Variants in OCA2 observed in about 807,000 individuals in gnomAD.
OCA2 encodes P protein.
OCA2 carries 77 observed loss-of-function variants against 100.2 expected under a neutral mutation model. The ratio of observed to expected loss-of-function variants is 0.77; its 90% CI spans 0.64 to 0.93. OCA2 has a LOEUF of 0.93. OCA2 is among the 40% of genes least tolerant of loss of function. The pLI is 0.00. For synonymous variants in OCA2, 432 were observed against 439.2 expected (o/e 0.98, Z 0.21); for missense variants, 1,062 against 1,089.1 (o/e 0.98, Z 0.35).
rs892435381 is a variant in OCA2 at position 27,985,864 on chromosome 15, T to C, written c.1240-676A>G. Among the ~76,000 whole-genome samples the C allele has an allele frequency of 1.2e-4, 18 of 152,102 alleles. 1 individual carries two copies. Among genetic ancestry groups the C allele is most frequent in the South Asian group, 4.1e-4 (2 of 4,832 alleles). ...TGTGCTACCACGCCCAGCTAATTTT[T>C]GTATTTTTAGTAGAGATGAGGTTTC... On this transcript the variant is annotated intron_variant, in intron 12 of 23. Coordinates refer to ENST00000354638, the MANE Select transcript of OCA2 (RefSeq NM_000275.3).
chr15:27,801,757 A>G (rs1429146640), intron 23 of OCA2, among the ~76,000 whole-genome samples: 1 of 152,116 alleles, frequency 6.6e-6, no homozygotes, highest in East Asian at 1.9e-4. Context: ...AAGTCTCTGC[A>G]TACCAGGAAT....
intron 19 of OCA2, among the ~76,000 whole-genome samples, chr15:27,895,481 C>T (rs1273855550): frequency 2.6e-5 from 4 of 152,128 alleles, no homozygotes; most frequent in African/African-American, 9.7e-5. Flanking sequence ...ACAATAAAGT[C>T]CAGGCTGAGG....
chr15:27,950,786 A>C (rs2040000419), intron 18 of OCA2, among the ~76,000 whole-genome samples: 1 of 152,212 alleles, frequency 6.6e-6, no homozygotes, highest in African/African-American at 2.4e-5. Context: ...CGAATCGCTG[A>C]AGCTTGAGGC....
intron 2 of OCA2, among the ~76,000 whole-genome samples, chr15:28,052,702 T>C (rs2043554170): frequency 1.3e-5 from 2 of 152,218 alleles, no homozygotes. Flanking sequence ...TATTTCTGCA[T>C]TTTCACAGAG....
intron 19 of OCA2, among the ~76,000 whole-genome samples, chr15:27,884,699 G>A (rs1471574956): frequency 6.6e-6 from 1 of 152,216 alleles, no homozygotes; most frequent in African/African-American, 2.4e-5. Context: ...GATATTAGAA[G>A]TGACTTGAAT....
intron 1 of OCA2, among the ~76,000 whole-genome samples, chr15:28,090,490 A>C (rs1022786518): frequency 6.6e-6 from 1 of 152,226 alleles, no homozygotes; most frequent in African/African-American, 2.4e-5. Flanking sequence ...TTGAAATCAC[A>C]CAGAGTATTC....
chr15:28,040,890 T>G (rs1332674398), intron 2 of OCA2, among the ~76,000 whole-genome samples: 2 of 152,074 alleles, frequency 1.3e-5, no homozygotes, highest in African/African-American at 2.4e-5. Context: ...GCCTTACTGG[T>G]GCATTCTACC....
intron 19 of OCA2, among the ~76,000 whole-genome samples, chr15:27,898,708 C>T (rs1037032658): frequency 2.0e-5 from 3 of 152,034 alleles, no homozygotes; most frequent in Non-Finnish European, 4.4e-5. Context: ...TTTATTTGGG[C>T]CCCATTCTTT....
In OCA2 at chr15:28,041,494, T is replaced by A. The variant is rs187870260; in HGVS notation, c.228-9331A>T. Among the ~76,000 whole-genome samples the A allele has an allele frequency of 4.5e-4, 69 of 152,330 alleles. No individual in the cohort carries two copies. In the East Asian group the frequency reaches 8.7e-3, roughly 19 times the overall value. On this transcript the variant is annotated intron_variant, in intron 2 of 23. Transcript: ENST00000354638. ...GTAAGGATGCCTGTTTTGCTACTTC[T>A]ACTCAATGCAGTATTGGAAGTTCTA...
intron 23 of OCA2, among the ~76,000 whole-genome samples, chr15:27,830,550 C>T (rs1473539293): frequency 6.6e-6 from 1 of 152,040 alleles, no homozygotes; most frequent in Non-Finnish European, 1.5e-5. Context: ...TAACAAATTA[C>T]ATAAAGAGTA....
intron 18 of OCA2, among the ~76,000 whole-genome samples, chr15:27,928,213 A>T (rs1055434889): frequency 1.3e-5 from 2 of 152,184 alleles, no homozygotes; most frequent in African/African-American, 4.8e-5. Context: ...AATAAGTAGA[A>T]GAAAAGAAAT....
At chr15:27,720,130 G>A in the OCA2 span, among the ~76,000 whole-genome samples, 1 of 152,228 alleles carries the variant, frequency 6.6e-6, no homozygotes, top group East Asian at 1.9e-4. Context: ...GACTTGATGG[G>A]GGGACAAACA....
chr15:28,014,933 C>A lies in OCA2; in HGVS notation c.891-4G>T, dbSNP rs745496559. On this transcript the variant is annotated splice_polypyrimidine_tract_variant and splice_region_variant and intron_variant, in intron 8 of 23. Coordinates refer to ENST00000354638, the MANE Select transcript of OCA2 (RefSeq NM_000275.3). ...GATGCTGATGGACACCGTCTCTCTG[C>A]AGAACGAAACAACGACCTTACTGTT... is the stretch of plus-strand genomic sequence containing the variant. 3 of 1,614,104 alleles carry A rather than the reference C, an allele frequency of 1.9e-6. No homozygotes were observed.
chr15:27,794,332 A>C (rs1002854071), intron 23 of OCA2, among the ~76,000 whole-genome samples: 1 of 152,202 alleles, frequency 6.6e-6, no homozygotes, highest in African/African-American at 2.4e-5. Flanking sequence ...CATGCATGGA[A>C]GAGTGCGCTC....
At chr15:28,032,212 A>C in intron 2 of OCA2, 49 bp from the exon 3 acceptor site, 5 of 1,310,666 alleles carry the variant, frequency 3.8e-6, no homozygotes, top group Non-Finnish European at 5.5e-6. Flanking sequence ...GAAATAATGT[A>C]TGTGTTCCCA....
intron 11 of OCA2, among the ~76,000 whole-genome samples, chr15:27,988,209 G>A (rs1266873509): frequency 6.6e-6 from 1 of 151,998 alleles, no homozygotes; most frequent in Non-Finnish European, 1.5e-5. Context: ...GCAGGGACCT[G>A]GTTGTAACGA....
At chr15:27,735,011 T>TA in the OCA2 span, among the ~76,000 whole-genome samples, 1 of 151,826 alleles carries the variant, frequency 6.6e-6, no homozygotes, top group Non-Finnish European at 1.5e-5. Context: ...TGACTGAGCC[T>TA]AAAAAAATGA....
rs915701403 is a variant in OCA2, at chr15:27,774,749, G to A, written c.2433-19277C>T. Among the ~76,000 whole-genome samples, 12 of 152,268 alleles carry A rather than the reference G, an allele frequency of 7.9e-5. No individual in the cohort carries two copies. In the East Asian group the frequency reaches 2.3e-3, roughly 30 times the overall value. ...GGGGCCCCAATCCGGGAAAACAGGT[G>A]TCCTTATAAGCAGAGCAGGTCTAGA... On this transcript the variant is annotated intron_variant, in intron 23 of 23. Transcript: ENST00000354638.
chr15:27,743,797 G>GGCC, the OCA2 span, among the ~76,000 whole-genome samples: 1 of 152,250 alleles, frequency 6.6e-6, no homozygotes, highest in South Asian at 2.1e-4. Flanking sequence ...AGAAGCTGAC[G>GGCC]GCCCTTGGCT....
Sources: allele counts gnomAD v4.1 joint callset (sites outside exome capture counted in the v4.1 genomes callset), GRCh38; gene constraint gnomAD v4.1.1; transcripts MANE v1.5; gene names NCBI Gene and HGNC (gene_info 2026-07-23, HGNC 2026-07-21).